The following STRIP2 variants were observed in gnomAD, a reference collection of about 807,000 sequenced individuals.
STRIP2 encodes the protein striatin-interacting protein 2.
Under a neutral mutation model 107.1 loss-of-function variants are expected in STRIP2, and 84 were observed. The ratio of observed to expected loss-of-function variants is 0.78; its 90% CI spans 0.66 to 0.94. The LOEUF is 0.94. STRIP2 is among the 40% of genes least tolerant of loss of function. The pLI is 0.00. For synonymous variants in STRIP2, 394 were observed against 400.4 expected, an observed-to-expected ratio of 0.98 and a Z score of 0.19; for missense variants, 888 against 1,034.2, an observed-to-expected ratio of 0.86 and a Z score of 1.94.
intron 12 of STRIP2, 26 bp downstream of exon 12, chr7:129,459,606 C>T: frequency 6.3e-7 from 1 of 1,597,594 alleles, no homozygotes. Flanking sequence ...TCTCAGTCTT[C>T]AGGGATAGGG....
At position 129,456,444 on chromosome 7, in the gene STRIP2, C is replaced by T; in HGVS notation, c.840C>T (p.Thr280=). 3 of 1,613,630 alleles carry T rather than the reference C, an allele frequency of 1.9e-6. No individual in the cohort carries two copies. The highest frequency in any genetic ancestry group is 2.5e-6 in the Non-Finnish European group (3 of 1,179,874). Residue 280 remains threonine, a synonymous_variant, in exon 9 of 21, where the codon ACC becomes ACT. Coordinates refer to ENST00000249344, the MANE Select transcript of STRIP2 (RefSeq NM_020704.3). ...LLLLWKVVMF[T]LGGFEHLQTL... ...CTTTCCTGTTTCTTCCTTAGTTTAC[C>T]CTCGGTGGATTTGAGCATCTGCAGA... is the stretch of plus-strand genomic sequence containing the variant.
chr7:129,445,528 C>T (rs1798012005), intron 3 of STRIP2, among the ~76,000 whole-genome samples: 1 of 151,636 alleles, frequency 6.6e-6, no homozygotes, highest in Admixed American at 6.6e-5. Flanking sequence ...ACTTCCACCC[C>T]TTGATTCCTG....
chr7:129,458,677 C>A lies in STRIP2; in HGVS notation c.1275-35C>A. The A allele has an allele frequency of 6.2e-7, 1 of 1,612,858 alleles. No homozygotes were observed. Among genetic ancestry groups the A allele is most frequent in the South Asian group, 1.1e-5 (1 of 91,028 alleles). ...CTCTCTCAAAGTTTGCTTTTCTTCC[C>A]TTCTCTGGGATTGGTCTTTCCACCA... is the stretch of plus-strand genomic sequence containing the variant. On this transcript the variant is annotated intron_variant, in intron 10 of 20. Coordinates refer to ENST00000249344, the MANE Select transcript of STRIP2 (RefSeq NM_020704.3). This position sits in a 1 kb window ranked among gnomAD's most constrained non-coding sequence, Gnocchi z 4.6.
chr7:129,486,239 G>A lies in STRIP2; in HGVS notation c.*410G>A. ...TCTTCTTGCTCACACTGGATTCCTA[G>A]GACTTATCAGAGATTTGGAAAAACC... On this transcript the variant is annotated 3_prime_UTR_variant, in exon 21 of 21. Coordinates refer to ENST00000249344, the MANE Select transcript of STRIP2 (RefSeq NM_020704.3). 1 of 159,958 alleles carries A rather than the reference G, an allele frequency of 6.3e-6. No individual in the cohort carries two copies. The highest frequency in any genetic ancestry group is 1.4e-5 in the Non-Finnish European group (1 of 72,398). The allele number at this position is 159,958 out of a possible 1,614,324, so 9.9% of individuals were successfully genotyped here. A position where few individuals can be genotyped will look rare whatever the true frequency, so the allele number is the denominator to read the frequency against.
At chr7:129,467,158 A>T (rs1798688967) in intron 16 of STRIP2, among the ~76,000 whole-genome samples, 192 bp from the exon 17 acceptor site, 2 of 152,214 alleles carry the variant, frequency 1.3e-5, no homozygotes, top group African/African-American at 4.8e-5. Flanking sequence ...ACTGCAGATT[A>T]TCCCCCTCCA....
At chr7:129,455,149 G>A (rs1798308282) in intron 7 of STRIP2, 95 bp from the exon 8 acceptor site, 1 of 1,436,278 alleles carries the variant, frequency 7.0e-7, no homozygotes, top group East Asian at 2.4e-5. Flanking sequence ...GGGGAGGTGA[G>A]TGCCTTCCTG....
Position 129,454,536 on chromosome 7 carries a change from T to C in STRIP2, c.706+9T>C, listed in dbSNP as rs1477457283. On this transcript the variant is annotated intron_variant, in intron 7 of 20. Coordinates refer to ENST00000249344, the MANE Select transcript of STRIP2 (RefSeq NM_020704.3). ...CTTCCGCACTGAATTAAGTAAGAAA[T>C]GGCACTTGAGGAAGGTGTGGATGGG... 1 of 1,585,760 alleles carries C rather than the reference T, an allele frequency of 6.3e-7. No individual in the cohort carries two copies. Among genetic ancestry groups the C allele is most frequent in the South Asian group, 1.1e-5 (1 of 90,502 alleles).
chr7:129,461,051 G>A lies in STRIP2; in HGVS notation c.1476+679G>A, dbSNP rs1798520100. 6.6e-6 allele frequency among the ~76,000 whole-genome samples: 1 copy of A among 152,216 alleles called. No homozygotes were observed. Among genetic ancestry groups the A allele is most frequent in the Admixed American group, 6.5e-5 (1 of 15,284 alleles). On this transcript the variant is annotated intron_variant, in intron 13 of 20. Transcript: ENST00000249344. The surrounding 1 kb of genome is among the most constrained non-coding windows in gnomAD (Gnocchi z 4.0). The stretch of plus-strand genomic sequence containing the variant: ...CCAGAAAAGCATAGACGCACTCTAC[G>A]GAGATTAGTTAGAAAACCCTTGAAA...
In STRIP2 at chr7:129,450,782, G is replaced by A. The variant is rs537529615; in HGVS notation, c.275-831G>A. 2.3e-4 allele frequency among the ~76,000 whole-genome samples: 35 copies of A among 152,246 alleles called. 1 individual carries two copies. In the East Asian group the frequency reaches 6.8e-3, roughly 29 times the overall value. On this transcript the variant is annotated intron_variant, in intron 3 of 20. Transcript: ENST00000249344. ...GGGCCTTCTCTGCAGCCTATACAGGGCAGCCAGGAATTGTAGGGAATCAGT... is the reference window on the plus strand; with the variant it reads ...GGGCCTTCTCTGCAGCCTATACAGGACAGCCAGGAATTGTAGGGAATCAGT...
In STRIP2 at chr7:129,458,843, T is replaced by C; in HGVS notation, c.1340+66T>C. Reference sequence around the variant, plus strand: ...CTAGGGGGCCAGAGGAGCAGGTAGCTTGGAATGAGGGATGGTGCCTGGTGG... The same window carrying C: ...CTAGGGGGCCAGAGGAGCAGGTAGCCTGGAATGAGGGATGGTGCCTGGTGG... On this transcript the variant is annotated intron_variant, in intron 11 of 20. Transcript: ENST00000249344. This position sits in a 1 kb window ranked among gnomAD's most constrained non-coding sequence, Gnocchi z 4.6. 6.7e-7 allele frequency: 1 copy of C among 1,497,068 alleles called. No individual in the cohort carries two copies. Among genetic ancestry groups the C allele is most frequent in the Non-Finnish European group, 9.3e-7 (1 of 1,074,632 alleles). 92.7% of individuals were successfully genotyped at this position (1,497,068 alleles called of 1,614,324 possible).
chr7:129,435,417 G>T (rs1057230969), intron 1 of STRIP2, among the ~76,000 whole-genome samples: 2 of 152,196 alleles, frequency 1.3e-5, no homozygotes, highest in Non-Finnish European at 2.9e-5. Context: ...ATCAGATGTG[G>T]CAGGGTCTGC....
At chr7:129,444,745 T>C (rs1002991302) in intron 3 of STRIP2, among the ~76,000 whole-genome samples, 6 of 152,242 alleles carry the variant, frequency 3.9e-5, no homozygotes, top group South Asian at 2.1e-4. Context: ...CCTAACATAA[T>C]TGTACAAAGG....
intron 16 of STRIP2, among the ~76,000 whole-genome samples, chr7:129,467,093 T>C (rs527334992): frequency 2.6e-5 from 4 of 152,368 alleles, no homozygotes; most frequent in Admixed American, 2.0e-4. Context: ...ATTCTTTCTA[T>C]GTATTGGAGT....
intron 20 of STRIP2, chr7:129,484,738 A>G (rs1799204847): frequency 2.6e-5 from 4 of 152,250 alleles, no homozygotes; most frequent in Admixed American, 2.0e-4. Context: ...TATAAGACAT[A>G]AAGCACAATT....
chr7:129,464,242 C>A, intron 15 of STRIP2, 101 bp downstream of exon 15: 3 of 904,992 alleles, frequency 3.3e-6, no homozygotes, highest in Non-Finnish European at 5.3e-6. Context: ...AGATTGTCTC[C>A]AAAGAGATCT....
intron 3 of STRIP2, among the ~76,000 whole-genome samples, chr7:129,446,099 A>T (rs973890742): frequency 3.3e-5 from 5 of 152,150 alleles, no homozygotes; most frequent in Admixed American, 3.3e-4. Flanking sequence ...GGTGAGTGGA[A>T]GTCCATGTTA....
At chr7:129,442,101 T>G (rs1797915338) in intron 2 of STRIP2, among the ~76,000 whole-genome samples, 1 of 152,162 alleles carries the variant, frequency 6.6e-6, no homozygotes. Context: ...GGCATGCACC[T>G]GTAGTCCCAG....
Position 129,444,026 on chromosome 7 carries a change from T to C in STRIP2, c.202T>C (p.Leu68=). 6.2e-7 allele frequency: 1 copy of C among 1,612,892 alleles called. No individual in the cohort carries two copies. ...CTGTTCTGTCTTTCCTGCCACAGAATTGTATAGTTACACTGAGAACCTGGA... is the reference window on the plus strand; with the variant it reads ...CTGTTCTGTCTTTCCTGCCACAGAACTGTATAGTTACACTGAGAACCTGGA... ...ADGHAAELSE[L]YSYTENLEFT... is the part of the protein sequence containing the mutation. Residue 68 remains leucine (L), a splice_region_variant and synonymous_variant, in exon 3 of 21, where the codon TTG becomes CTG. Transcript: ENST00000249344.
At chr7:129,459,075 G>T (rs971466780) in intron 11 of STRIP2, among the ~76,000 whole-genome samples, 1 of 152,178 alleles carries the variant, frequency 6.6e-6, no homozygotes, top group African/African-American at 2.4e-5. Context: ...GATGGTTTCT[G>T]TGGGCCCTTC....
Sources: gnomAD v4.1 joint callset for allele counts (sites outside exome capture counted in the v4.1 genomes callset) on GRCh38, gnomAD v4.1.1 for gene constraint, Gnocchi (gnomAD v3.1) non-coding constraint, MANE v1.5 for transcripts, NCBI Gene and HGNC (gene_info 2026-07-23, HGNC 2026-07-21) for gene names.